Variants in NTNG1 observed in about 807,000 individuals in gnomAD.
NTNG1 encodes netrin G1, also known as netrin-G1.
Under a neutral mutation model 54.0 loss-of-function variants are expected in NTNG1, and 16 were observed. The observed-to-expected ratio is 0.30, with a 90% CI of 0.20 to 0.45. NTNG1 has a LOEUF of 0.45. Ranked by LOEUF, NTNG1 falls within the 20% of genes least tolerant of loss-of-function variation. The pLI is 1.00. For missense variants in NTNG1, 530 were observed against 678.7 expected (o/e 0.78, Z 2.43); for synonymous variants, 255 against 263.1 (o/e 0.97, Z 0.30).
intron 3 of NTNG1, among the ~76,000 whole-genome samples, chr1:107,385,866 T>A (rs1473914508): frequency 2.0e-5 from 3 of 150,878 alleles, no homozygotes; most frequent in African/African-American, 7.3e-5. Flanking sequence ...AATTCAGTGG[T>A]TTTTAGTATA....
intron 3 of NTNG1, among the ~76,000 whole-genome samples, chr1:107,386,126 T>A (rs1671960830): frequency 7.0e-6 from 1 of 143,696 alleles, no homozygotes; most frequent in Non-Finnish European, 1.5e-5. Flanking sequence ...TATACTTATA[T>A]GTATGTATAT....
chr1:107,418,308 T>C (rs1557983390), intron 5 of NTNG1, among the ~76,000 whole-genome samples: 1 of 152,054 alleles, frequency 6.6e-6, no homozygotes, highest in African/African-American at 2.4e-5. Flanking sequence ...ATTTGTATTT[T>C]TGTGTGTGTG....
intron 2 of NTNG1, among the ~76,000 whole-genome samples, chr1:107,263,306 TTCCTTCC>T: frequency 6.6e-6 from 1 of 151,844 alleles, no homozygotes; most frequent in Admixed American, 6.6e-5. Context: ...CCTTCCTTCC[TTCCTTCC>T]TTCCTTCCTT....
chr1:107,458,070 G>A (rs756826076), intron 7 of NTNG1, among the ~76,000 whole-genome samples: 6 of 152,046 alleles, frequency 3.9e-5, no homozygotes, highest in South Asian at 2.1e-4. Context: ...CAACATGTTC[G>A]CATCTAAAAG....
At chr1:107,195,472 C>G (rs1433213463) in intron 2 of NTNG1, among the ~76,000 whole-genome samples, 1 of 151,848 alleles carries the variant, frequency 6.6e-6, no homozygotes, top group Non-Finnish European at 1.5e-5. Flanking sequence ...TCAGTTACAC[C>G]ATTCCTTTGC....
intron 3 of NTNG1, among the ~76,000 whole-genome samples, chr1:107,391,745 G>A (rs985983349): frequency 6.6e-6 from 1 of 152,024 alleles, no homozygotes; most frequent in Non-Finnish European, 1.5e-5. Flanking sequence ...GCCAGATCTT[G>A]CAAAAACTCA....
intron 2 of NTNG1, among the ~76,000 whole-genome samples, chr1:107,288,266 T>C (rs929765843): frequency 3.3e-5 from 5 of 152,088 alleles, no homozygotes; most frequent in African/African-American, 9.7e-5. Flanking sequence ...TAACTCAAAC[T>C]TGGAAACACA....
chr1:107,415,359 G>T (rs1674125704), intron 5 of NTNG1, among the ~76,000 whole-genome samples: 2 of 152,148 alleles, frequency 1.3e-5, no homozygotes, highest in South Asian at 4.2e-4. Context: ...TCTCCAAATG[G>T]CATATGCCTC....
At chr1:107,405,150 A>G (rs1484760178) in intron 4 of NTNG1, among the ~76,000 whole-genome samples, 2 of 152,148 alleles carry the variant, frequency 1.3e-5, no homozygotes, top group Non-Finnish European at 1.5e-5. Context: ...GAGTTTATTC[A>G]ATTCTTTATC....
At chr1:107,451,109 T>TTTC (rs556466416) in intron 7 of NTNG1, among the ~76,000 whole-genome samples, 20 of 20,314 alleles carry the variant, frequency 9.8e-4, no homozygotes, top group Non-Finnish European at 3.4e-3. Context: ...TCTTTCTTTC[T>TTTC]TTTTTTTTTT....
chr1:107,227,433 C>A (rs894671027), intron 2 of NTNG1, among the ~76,000 whole-genome samples: 1 of 152,130 alleles, frequency 6.6e-6, no homozygotes, highest in African/African-American at 2.4e-5. Context: ...CAGGAATGCC[C>A]TGCTTTCCAA....
chr1:107,267,445 C>G (rs996190202), intron 2 of NTNG1, among the ~76,000 whole-genome samples: 2 of 152,096 alleles, frequency 1.3e-5, no homozygotes, highest in African/African-American at 4.8e-5. Flanking sequence ...CAATATCAAC[C>G]CAGTTGTTCA....
chr1:107,298,792 T>C (rs1234621356), intron 2 of NTNG1, among the ~76,000 whole-genome samples: 2 of 152,146 alleles, frequency 1.3e-5, no homozygotes. Context: ...CCTTGATGCC[T>C]CAAATGAACC....
chr1:107,435,077 T>G (rs1274621727), intron 6 of NTNG1, among the ~76,000 whole-genome samples: 1 of 152,172 alleles, frequency 6.6e-6, no homozygotes, highest in Non-Finnish European at 1.5e-5. Context: ...ATGGGCTAAT[T>G]GACTGGAGGA....
intron 2 of NTNG1, among the ~76,000 whole-genome samples, chr1:107,178,544 T>A (rs567333399): frequency 6.6e-6 from 1 of 152,244 alleles, no homozygotes; most frequent in Admixed American, 6.5e-5. Context: ...TATCTTCATT[T>A]TGTTAGGACA....
intron 2 of NTNG1, among the ~76,000 whole-genome samples, chr1:107,282,608 A>G (rs188491377): frequency 1.4e-3 from 208 of 152,096 alleles, no homozygotes; most frequent in Non-Finnish European, 2.4e-3. Flanking sequence ...CTTCCCAAAC[A>G]CTTTTACCTG....
intron 4 of NTNG1, among the ~76,000 whole-genome samples, chr1:107,407,372 A>G (rs950563849): frequency 3.9e-5 from 6 of 152,144 alleles, no homozygotes; most frequent in African/African-American, 1.4e-4. Flanking sequence ...TTATAGGGAA[A>G]CACAAAATGT....
intron 7 of NTNG1, among the ~76,000 whole-genome samples, chr1:107,444,558 G>A (rs952291286): frequency 6.6e-6 from 1 of 152,106 alleles, no homozygotes; most frequent in African/African-American, 2.4e-5. Flanking sequence ...CTACTATTTA[G>A]CCATCCTGTG....
intron 2 of NTNG1, among the ~76,000 whole-genome samples, chr1:107,152,838 A>C (rs1654681439): frequency 2.0e-5 from 3 of 152,214 alleles, no homozygotes; most frequent in Admixed American, 2.0e-4. Flanking sequence ...ATTGGAGAAA[A>C]TAAAGTACTC....
Sources: allele counts gnomAD v4.1 joint callset (sites outside exome capture counted in the v4.1 genomes callset), GRCh38; gene constraint gnomAD v4.1.1; transcripts MANE v1.5; gene names NCBI Gene and HGNC (gene_info 2026-07-23, HGNC 2026-07-21).